The following SPIDR variants were observed in gnomAD, a reference collection of about 807,000 sequenced individuals.
SPIDR encodes DNA repair-scaffolding protein.
In SPIDR, 93 loss-of-function variants were observed where a neutral mutation model predicts 104.6. The ratio of observed to expected loss-of-function variants is 0.89; its 90% CI spans 0.75 to 1.06. The LOEUF (loss-of-function observed/expected upper bound fraction) is 1.06, where lower values mean the gene tolerates loss of function less well. Ranked by LOEUF, SPIDR falls within the 50% of genes least tolerant of loss-of-function variation. SPIDR has a pLI of 0.00. For missense variants in SPIDR, 1,154 were observed against 1,111.2 expected, an observed-to-expected ratio of 1.04 and a Z score of -0.55; for synonymous variants, 431 against 416.9, an observed-to-expected ratio of 1.03 and a Z score of -0.41.
At chr8:47,721,715 T>C (rs1326286126) in intron 16 of SPIDR, among the ~76,000 whole-genome samples, 1 of 152,170 alleles carries the variant, frequency 6.6e-6, no homozygotes, top group Non-Finnish European at 1.5e-5. Flanking sequence ...GACCTCGTGA[T>C]CCACCCACTT....
At chr8:47,479,429 A>G (rs73565265) in intron 8 of SPIDR, among the ~76,000 whole-genome samples, 5,413 of 152,164 alleles carry the variant, frequency 0.036, 269 homozygotes, top group African/African-American at 0.12. Flanking sequence ...ACTTTGCTGG[A>G]AAGTATCTTA....
chr8:47,472,673 A>G (rs1317608828), intron 8 of SPIDR, among the ~76,000 whole-genome samples: 1 of 152,182 alleles, frequency 6.6e-6, no homozygotes, highest in Non-Finnish European at 1.5e-5. Flanking sequence ...TACTTCAGAG[A>G]AGCTAGACAT....
chr8:47,343,554 T>G (rs1487370280), intron 5 of SPIDR, among the ~76,000 whole-genome samples: 5 of 152,174 alleles, frequency 3.3e-5, no homozygotes, highest in Non-Finnish European at 7.4e-5. Context: ...TGCGCCAGTC[T>G]CTCAAAGCTG....
At chr8:47,584,123 A>G (rs1313996996) in intron 8 of SPIDR, among the ~76,000 whole-genome samples, 1 of 152,176 alleles carries the variant, frequency 6.6e-6, no homozygotes, top group Admixed American at 6.5e-5. Context: ...TTCCCAGATC[A>G]TATAGATCAT....
chr8:47,669,338 C>T (rs1042778851), intron 10 of SPIDR, among the ~76,000 whole-genome samples: 2 of 152,228 alleles, frequency 1.3e-5, no homozygotes, highest in East Asian at 1.9e-4. Context: ...GATAAGCTGA[C>T]GCTGGTCTGG....
chr8:47,475,577 T>C (rs1554723319), intron 8 of SPIDR, among the ~76,000 whole-genome samples: 2 of 152,246 alleles, frequency 1.3e-5, no homozygotes, highest in Non-Finnish European at 2.9e-5. Context: ...CTTTAGGTAA[T>C]GGGTAGCCTT....
At chr8:47,398,823 G>C (rs2061527355) in intron 6 of SPIDR, among the ~76,000 whole-genome samples, 1 of 152,192 alleles carries the variant, frequency 6.6e-6, no homozygotes, top group African/African-American at 2.4e-5. Context: ...TTGGGGTGTG[G>C]AGGGAGAGAC....
chr8:47,516,134 T>C (rs1053534279), intron 8 of SPIDR, among the ~76,000 whole-genome samples: 1 of 152,198 alleles, frequency 6.6e-6, no homozygotes, highest in Non-Finnish European at 1.5e-5. Context: ...AGACACAAAG[T>C]CTGCCTTCGT....
intron 10 of SPIDR, among the ~76,000 whole-genome samples, chr8:47,631,002 C>G (rs993677114): frequency 6.6e-6 from 1 of 152,124 alleles, no homozygotes; most frequent in Non-Finnish European, 1.5e-5. Context: ...ACAACAGCCC[C>G]CAGCACCCTG....
chr8:47,520,167 C>T (rs907611559), intron 8 of SPIDR, among the ~76,000 whole-genome samples: 1 of 152,082 alleles, frequency 6.6e-6, no homozygotes, highest in African/African-American at 2.4e-5. Flanking sequence ...AACTTATAAA[C>T]AGGAATTTTA....
chr8:47,595,460 A>G (rs2061537773), intron 8 of SPIDR, among the ~76,000 whole-genome samples: 1 of 150,838 alleles, frequency 6.6e-6, no homozygotes, highest in South Asian at 2.1e-4. Context: ...TTTTATTTGT[A>G]CATTTTATTT....
intron 8 of SPIDR, among the ~76,000 whole-genome samples, chr8:47,459,727 G>A (rs946770814): frequency 1.3e-5 from 2 of 151,880 alleles, no homozygotes; most frequent in African/African-American, 4.8e-5. Context: ...TAGTTCCTTA[G>A]ATTGTCTGTT....
intron 8 of SPIDR, among the ~76,000 whole-genome samples, chr8:47,577,679 A>G (rs1205198584): frequency 6.6e-6 from 1 of 152,212 alleles, no homozygotes; most frequent in African/African-American, 2.4e-5. Flanking sequence ...TCTAGGAACA[A>G]CTATACTTAA....
At chr8:47,649,605 C>T (rs1050508722) in intron 10 of SPIDR, among the ~76,000 whole-genome samples, 1 of 152,058 alleles carries the variant, frequency 6.6e-6, no homozygotes, top group African/African-American at 2.4e-5. Context: ...TTCATGTCCT[C>T]CTCTTATGGC....
chr8:47,317,338 C>T lies in SPIDR; in HGVS notation c.525+23308C>T, dbSNP rs1262793602. 2.0e-5 allele frequency among the ~76,000 whole-genome samples: 3 copies of T among 151,934 alleles called. No homozygotes were observed. In the South Asian group the frequency reaches 6.2e-4, roughly 31 times the overall value. On this transcript the variant is annotated intron_variant, in intron 5 of 19. Transcript: ENST00000297423. ...CCTGGCTCGGAGGGTCCTACACCTGCGGAGCCTCGCTCATTGCTAGCACAG... is the reference window on the plus strand; with the variant it reads ...CCTGGCTCGGAGGGTCCTACACCTGTGGAGCCTCGCTCATTGCTAGCACAG...
intron 1 of SPIDR, among the ~76,000 whole-genome samples, chr8:47,271,933 T>G (rs1484306976): frequency 6.6e-5 from 10 of 152,084 alleles, no homozygotes; most frequent in African/African-American, 2.4e-4. Context: ...CCTGAGTAGC[T>G]GGGATTACAA....
intron 8 of SPIDR, chr8:47,511,150 A>G: frequency 6.4e-7 from 1 of 1,554,734 alleles, no homozygotes; most frequent in South Asian, 1.1e-5. Flanking sequence ...GGTGGCAGCC[A>G]TGGCTGGCCG....
At chr8:47,280,205 A>G (rs1206494927) in intron 2 of SPIDR, among the ~76,000 whole-genome samples, 188 bp downstream of exon 2, 1 of 151,434 alleles carries the variant, frequency 6.6e-6, no homozygotes, top group Non-Finnish European at 1.5e-5. Flanking sequence ...GTAAGTTAGT[A>G]TTCACCTTTT....
chr8:47,571,644 TATTCAAGGAGGATATATTCCAATACCTCC>T (rs1374347482), intron 8 of SPIDR, among the ~76,000 whole-genome samples: 1 of 152,196 alleles, frequency 6.6e-6, no homozygotes, highest in Non-Finnish European at 1.5e-5. Context: ...AGTGCCGCCT[TATTCAAGGAGGATATATTCCAATACCTCC>T]AGTGGATACA....
Sources: gnomAD v4.1 joint callset for allele counts (sites outside exome capture counted in the v4.1 genomes callset) on GRCh38, gnomAD v4.1.1 for gene constraint, MANE v1.5 for transcripts, NCBI Gene and HGNC (gene_info 2026-07-23, HGNC 2026-07-21) for gene names.